Variants in CADM2 observed in about 807,000 individuals in gnomAD.
CADM2 encodes the protein cell adhesion molecule 2.
In CADM2, 12 loss-of-function variants were observed where a neutral mutation model predicts 49.8. That is an observed-to-expected ratio of 0.24 (90% confidence interval 0.15 to 0.39). The LOEUF is 0.39. Among genes scored for constraint, CADM2 ranks in the 10% least tolerant of loss-of-function variants. The pLI is 1.00. For missense variants in CADM2, 378 were observed against 492.3 expected, an observed-to-expected ratio of 0.77 and a Z score of 2.20; for synonymous variants, 214 against 175.4, an observed-to-expected ratio of 1.22 and a Z score of -1.74.
chr3:85,682,974 G>A (rs951672139), intron 1 of CADM2, among the ~76,000 whole-genome samples: 15 of 152,032 alleles, frequency 9.9e-5, no homozygotes, highest in Non-Finnish European at 1.6e-4. Context: ...TTAATCTCAT[G>A]TCTTATTGAA....
At chr3:85,702,669 A>C (rs2066817734) in intron 1 of CADM2, among the ~76,000 whole-genome samples, 1 of 152,126 alleles carries the variant, frequency 6.6e-6, no homozygotes, top group Non-Finnish European at 1.5e-5. Flanking sequence ...AGGTATGATA[A>C]CTTTATTTTT....
chr3:85,177,065 T>C (rs1289892966), intron 1 of CADM2, among the ~76,000 whole-genome samples: 3 of 152,170 alleles, frequency 2.0e-5, no homozygotes, highest in African/African-American at 2.4e-5. Context: ...GTGTCTTGCT[T>C]AGACCTAAAA....
intron 7 of CADM2, among the ~76,000 whole-genome samples, chr3:85,936,156 T>C (rs566191164): frequency 1.4e-4 from 21 of 151,958 alleles, no homozygotes; most frequent in South Asian, 2.1e-4. Context: ...CATCAGAGTA[T>C]AAAAGCAGCA....
At chr3:85,274,179 A>T (rs1224680501) in intron 1 of CADM2, among the ~76,000 whole-genome samples, 3 of 151,436 alleles carry the variant, frequency 2.0e-5, no homozygotes, top group South Asian at 4.1e-4. Flanking sequence ...AGAGGAGGGG[A>T]ATTAAAGTTA....
chr3:85,336,966 T>A (rs377210687), intron 1 of CADM2, among the ~76,000 whole-genome samples: 10 of 17,800 alleles, frequency 5.6e-4, no homozygotes, highest in Non-Finnish European at 2.0e-3. Flanking sequence ...ATATATATAT[T>A]AAATATATAT....
chr3:85,964,613 C>T (rs551521038), intron 8 of CADM2, among the ~76,000 whole-genome samples: 3 of 151,734 alleles, frequency 2.0e-5, no homozygotes, highest in South Asian at 2.1e-4. Context: ...GCATTAGGAT[C>T]ACATGTAGTA....
chr3:85,595,039 T>A (rs1422670389), intron 1 of CADM2, among the ~76,000 whole-genome samples: 1 of 152,032 alleles, frequency 6.6e-6, no homozygotes, highest in Non-Finnish European at 1.5e-5. Context: ...TCAAATCTGC[T>A]TTCAAGTTAC....
intron 1 of CADM2, among the ~76,000 whole-genome samples, chr3:85,152,702 A>T (rs1395618945): frequency 2.0e-5 from 3 of 152,168 alleles, no homozygotes; most frequent in Admixed American, 6.5e-5. Flanking sequence ...TCACGCCTGT[A>T]ATCCCAGCAC....
At chr3:85,417,839 G>A (rs1002151981) in intron 1 of CADM2, among the ~76,000 whole-genome samples, 1 of 152,050 alleles carries the variant, frequency 6.6e-6, no homozygotes, top group African/African-American at 2.4e-5. Context: ...ATTTTAATTT[G>A]CCAAGAATAA....
chr3:85,151,036 G>C (rs1458352530), intron 1 of CADM2, among the ~76,000 whole-genome samples: 1 of 151,880 alleles, frequency 6.6e-6, no homozygotes. Context: ...TTGAATTTTG[G>C]AATTTTCTTC....
At chr3:84,978,943 A>T (rs2031997748) in intron 1 of CADM2, among the ~76,000 whole-genome samples, 1 of 152,146 alleles carries the variant, frequency 6.6e-6, no homozygotes, top group African/African-American at 2.4e-5. Context: ...GTAAATGGAA[A>T]GTACAAAAGA....
At chr3:85,403,386 C>G (rs1576490607) in intron 1 of CADM2, among the ~76,000 whole-genome samples, 1 of 152,140 alleles carries the variant, frequency 6.6e-6, no homozygotes, top group Admixed American at 6.6e-5. Flanking sequence ...ATTTCTTGCA[C>G]TTATGTTAGT....
intron 1 of CADM2, among the ~76,000 whole-genome samples, chr3:85,518,027 GAC>G (rs2060944279): frequency 6.6e-6 from 1 of 152,098 alleles, no homozygotes; most frequent in Admixed American, 6.5e-5. Context: ...TTGTGTGTGT[GAC>G]AGAGTCTCTC....
In CADM2 at chr3:85,230,672, C is replaced by A. The variant is rs184374086; in HGVS notation, c.61+271004C>A. Reference sequence around the variant, plus strand: ...GTTCTTTATTTTTACATCTCATTAACAACAGTATTAACTCTCAGATACTGC... The same window carrying A: ...GTTCTTTATTTTTACATCTCATTAAAAACAGTATTAACTCTCAGATACTGC... On this transcript the variant is annotated intron_variant, in intron 1 of 9. Coordinates refer to ENST00000383699, the MANE Select transcript of CADM2 (RefSeq NM_001167675.2). 1.1e-4 allele frequency among the ~76,000 whole-genome samples: 17 copies of A among 152,274 alleles called. No homozygotes were observed. In the East Asian group the frequency reaches 3.3e-3, roughly 29 times the overall value.
At chr3:85,854,792 A>G (rs1235989188) in intron 3 of CADM2, among the ~76,000 whole-genome samples, 1 of 152,146 alleles carries the variant, frequency 6.6e-6, no homozygotes, top group African/African-American at 2.4e-5. Context: ...AACAAATTTA[A>G]AAACCACACA....
At chr3:85,064,107 A>G (rs1576145903) in intron 1 of CADM2, among the ~76,000 whole-genome samples, 1 of 152,070 alleles carries the variant, frequency 6.6e-6, no homozygotes. Context: ...TCTTTTCCCC[A>G]AGGAATTCTC....
intron 1 of CADM2, among the ~76,000 whole-genome samples, chr3:85,412,318 C>A (rs2035691945): frequency 6.6e-6 from 1 of 152,116 alleles, no homozygotes; most frequent in Non-Finnish European, 1.5e-5. Context: ...TAGTATTTCA[C>A]TATTTCTAAT....
At chr3:85,918,153 C>G (rs909136984) in intron 6 of CADM2, among the ~76,000 whole-genome samples, 3 of 152,168 alleles carry the variant, frequency 2.0e-5, no homozygotes, top group Non-Finnish European at 4.4e-5. Flanking sequence ...ATTCACTTCT[C>G]CTTCCTGATT....
chr3:85,903,210 T>C, intron 5 of CADM2, among the ~76,000 whole-genome samples: 1 of 152,106 alleles, frequency 6.6e-6, no homozygotes, highest in African/African-American at 2.4e-5. Context: ...TGAATAATCT[T>C]TGTTCTGATT....
Sources: gnomAD v4.1 joint callset for allele counts (sites outside exome capture counted in the v4.1 genomes callset) on GRCh38, gnomAD v4.1.1 for gene constraint, MANE v1.5 for transcripts, NCBI Gene and HGNC (gene_info 2026-07-23, HGNC 2026-07-21) for gene names.